The following PTPRT variants were observed in gnomAD, a reference collection of about 807,000 sequenced individuals.
The protein encoded by PTPRT is receptor-type tyrosine-protein phosphatase T.
A neutral mutation model predicts 176.8 loss-of-function variants in PTPRT; 56 were observed. That is an observed-to-expected ratio of 0.32 (90% CI 0.26 to 0.40). PTPRT has a LOEUF of 0.40. PTPRT is among the 10% of genes least tolerant of loss of function. The pLI is 1.00. For synonymous variants in PTPRT, 783 were observed against 739.0 expected (o/e 1.06, Z -0.96); for missense variants, 1,540 against 1,908.2 (o/e 0.81, Z 3.60).
intron 11 of PTPRT, among the ~76,000 whole-genome samples, chr20:42,350,201 TAGGA>T (rs1439268299): frequency 2.1e-5 from 3 of 145,514 alleles, no homozygotes; most frequent in Non-Finnish European, 4.5e-5. Context: ...AGGTCCTGAT[TAGGA>T]TGTTTCTTGT....
At chr20:42,460,586 C>A (rs1378384265) in intron 8 of PTPRT, among the ~76,000 whole-genome samples, 2 of 152,174 alleles carry the variant, frequency 1.3e-5, no homozygotes, top group African/African-American at 4.8e-5. Context: ...ATAATCTCTA[C>A]ATGTCAAGGG....
At chr20:43,078,131 A>G (rs1349999532) in intron 1 of PTPRT, among the ~76,000 whole-genome samples, 1 of 152,216 alleles carries the variant, frequency 6.6e-6, no homozygotes, top group Admixed American at 6.5e-5. Flanking sequence ...AACTGTGTCT[A>G]TTGCTCAGTA....
At chr20:42,299,405 A>T (rs1198096533) in intron 12 of PTPRT, among the ~76,000 whole-genome samples, 1 of 152,236 alleles carries the variant, frequency 6.6e-6, no homozygotes, top group Non-Finnish European at 1.5e-5. Context: ...ATATATTTAG[A>T]CTGAAGAGAG....
intron 1 of PTPRT, among the ~76,000 whole-genome samples, chr20:43,074,827 T>C (rs966684622): frequency 9.2e-5 from 14 of 152,250 alleles, no homozygotes; most frequent in African/African-American, 3.1e-4. Flanking sequence ...TTAAGACCAC[T>C]AGAAAATGGA....
chr20:42,380,783 T>C (rs906827999), intron 9 of PTPRT, among the ~76,000 whole-genome samples: 3 of 152,204 alleles, frequency 2.0e-5, no homozygotes, highest in African/African-American at 7.2e-5. Context: ...CTTAATTGGC[T>C]CATGGAGGTA....
intron 7 of PTPRT, among the ~76,000 whole-genome samples, chr20:42,602,405 G>A (rs1159608101): frequency 6.6e-6 from 1 of 152,106 alleles, no homozygotes; most frequent in Admixed American, 6.6e-5. Flanking sequence ...TGTAGAATGG[G>A]ATAATAATCA....
chr20:42,794,213 A>C (rs968553650), intron 2 of PTPRT, among the ~76,000 whole-genome samples: 5 of 152,060 alleles, frequency 3.3e-5, no homozygotes, highest in Non-Finnish European at 5.9e-5. Context: ...TCCCTTTAGC[A>C]TTTGGTAGGG....
At chr20:42,892,058 T>C (rs1270381986) in intron 1 of PTPRT, among the ~76,000 whole-genome samples, 1 of 152,230 alleles carries the variant, frequency 6.6e-6, no homozygotes, top group African/African-American at 2.4e-5. Context: ...GGGGCTATAG[T>C]TTGCCAACCC....
intron 13 of PTPRT, among the ~76,000 whole-genome samples, chr20:42,278,075 A>C (rs1351094286): frequency 3.1e-3 from 1 of 324 alleles, no homozygotes; most frequent in East Asian, 0.029. Context: ...TAAGTAGACT[A>C]TATATATATA....
At chr20:42,988,364 G>C (rs973564314) in intron 1 of PTPRT, among the ~76,000 whole-genome samples, 6 of 152,162 alleles carry the variant, frequency 3.9e-5, no homozygotes, top group Non-Finnish European at 5.9e-5. Context: ...GTCCGTGCTT[G>C]TCTTGCCCTT....
At chr20:42,707,793 T>C (rs2076083525) in intron 6 of PTPRT, among the ~76,000 whole-genome samples, 1 of 152,054 alleles carries the variant, frequency 6.6e-6, no homozygotes, top group South Asian at 2.1e-4. Context: ...ATCTCGAAAA[T>C]CAAAACACAA....
intron 2 of PTPRT, among the ~76,000 whole-genome samples, chr20:42,836,349 G>C (rs1305915322): frequency 1.3e-5 from 2 of 152,172 alleles, no homozygotes; most frequent in African/African-American, 4.8e-5. Context: ...ATAAATGGCT[G>C]CTGAGACTTC....
At chr20:43,186,817 A>T (rs1421965328) in intron 1 of PTPRT, among the ~76,000 whole-genome samples, 1 of 152,248 alleles carries the variant, frequency 6.6e-6, no homozygotes. Flanking sequence ...GAGGTATCCA[A>T]CGGTGATTAT....
At chr20:42,319,189 C>G (rs1054683056) in intron 11 of PTPRT, among the ~76,000 whole-genome samples, 1 of 151,812 alleles carries the variant, frequency 6.6e-6, no homozygotes, top group African/African-American at 2.4e-5. Flanking sequence ...GCCGAGAGGT[C>G]AAGTGATTCA....
At position 42,999,618 on chromosome 20, in the gene PTPRT, G is replaced by T. The variant is rs866937828; in HGVS notation, c.89-113686C>A. Among the ~76,000 whole-genome samples the T allele has an allele frequency of 2.8e-3, 412 of 147,420 alleles. 1 individual carries two copies. Among genetic ancestry groups the T allele is most frequent in the Middle Eastern group, 0.021 (6 of 282 alleles). On this transcript the variant is annotated intron_variant, in intron 1 of 30. Coordinates refer to ENST00000373187, the MANE Select transcript of PTPRT (RefSeq NM_007050.6). Reference sequence around the variant, plus strand: ...AAAAAAAACTTGTGGTTTTTTTTTTGTTGTTGTTGTTGTTGTGGTGGTTGT... The same window carrying T: ...AAAAAAAACTTGTGGTTTTTTTTTTTTTGTTGTTGTTGTTGTGGTGGTTGT...
rs575996593 is a variant in PTPRT, at chr20:43,058,792, A to G, written c.88+130854T>C. On this transcript the variant is annotated intron_variant, in intron 1 of 30. Transcript: ENST00000373187. ...ACAACATAATATAATGTGAAATGCAATACACCAAGACTAAGAAAACCTTAT... is the reference window on the plus strand; with the variant it reads ...ACAACATAATATAATGTGAAATGCAGTACACCAAGACTAAGAAAACCTTAT... Among the ~76,000 whole-genome samples the G allele has an allele frequency of 4.6e-5, 7 of 152,022 alleles. No individual in the cohort carries two copies. The South Asian group carries it at 1.5e-3, about 32-fold the overall frequency.
At chr20:42,136,596 G>A (rs1343934386) in intron 18 of PTPRT, among the ~76,000 whole-genome samples, 2 of 152,088 alleles carry the variant, frequency 1.3e-5, no homozygotes, top group African/African-American at 4.8e-5. Flanking sequence ...AACCTTTGAG[G>A]GGACTGAAGG....
intron 7 of PTPRT, among the ~76,000 whole-genome samples, chr20:42,502,617 A>G (rs1357035980): frequency 6.6e-6 from 1 of 152,050 alleles, no homozygotes; most frequent in African/African-American, 2.4e-5. Flanking sequence ...GTGCTGGCTT[A>G]CTCATTTTTA....
intron 12 of PTPRT, 82 bp from the exon 13 acceptor site, chr20:42,282,607 ATT>A: frequency 1.3e-5 from 14 of 1,081,174 alleles, no homozygotes; most frequent in Non-Finnish European, 1.8e-5. Flanking sequence ...ATACATATAT[ATT>A]TGCATATATA....
Sources: gnomAD v4.1 joint callset for allele counts (sites outside exome capture counted in the v4.1 genomes callset) on GRCh38, gnomAD v4.1.1 for gene constraint, MANE v1.5 for transcripts, NCBI Gene and HGNC (gene_info 2026-07-23, HGNC 2026-07-21) for gene names.